Variants in RYR2 observed in about 807,000 individuals in gnomAD.
RYR2 encodes ryanodine receptor 2.
A neutral mutation model predicts 601.1 loss-of-function variants in RYR2; 227 were observed. That is an observed-to-expected ratio of 0.38 (90% confidence interval 0.34 to 0.42). The LOEUF (loss-of-function observed/expected upper bound fraction) is 0.42. Among genes scored for constraint, RYR2 ranks in the 10% least tolerant of loss-of-function variants. The probability of loss-of-function intolerance (pLI) is 1.00; values close to 1 mark genes in which losing one functional copy is unlikely to be tolerated. For synonymous variants in RYR2, 2,223 were observed against 2,175.1 expected, an observed-to-expected ratio of 1.02 and a Z score of -0.61; for missense variants, 4,646 against 6,156.5, an observed-to-expected ratio of 0.75 and a Z score of 8.21.
intron 98 of RYR2, among the ~76,000 whole-genome samples, chr1:237,803,295 C>G (rs1023438982): frequency 6.8e-6 from 1 of 147,006 alleles, no homozygotes. Flanking sequence ...TCCTTTTCCT[C>G]AGTCTTTGCA....
chr1:237,080,686 T>C (rs1202957808), intron 1 of RYR2, among the ~76,000 whole-genome samples: 1 of 63,712 alleles, frequency 1.6e-5, no homozygotes, highest in Non-Finnish European at 4.0e-5. Flanking sequence ...TTGGTGGGAC[T>C]GTAAACTAGT....
intron 3 of RYR2, among the ~76,000 whole-genome samples, chr1:237,348,298 G>A (rs1403538880): frequency 6.6e-6 from 1 of 152,132 alleles, no homozygotes; most frequent in Middle Eastern, 3.2e-3. Context: ...TAGCCTTTGG[G>A]AAACAAGCTC....
chr1:237,694,509 C>A (rs1005820052), intron 63 of RYR2, among the ~76,000 whole-genome samples: 6 of 151,866 alleles, frequency 4.0e-5, no homozygotes, highest in African/African-American at 1.5e-4. Context: ...ATATGCATGG[C>A]AAAAACAACT....
chr1:237,794,746 T>C (rs912541895), intron 95 of RYR2, among the ~76,000 whole-genome samples: 1 of 152,240 alleles, frequency 6.6e-6, no homozygotes, highest in Non-Finnish European at 1.5e-5. Flanking sequence ...ACATGATACA[T>C]GTTTATCCTA....
At chr1:237,391,995 C>T (rs1367825437) in intron 10 of RYR2, among the ~76,000 whole-genome samples, 1 of 151,972 alleles carries the variant, frequency 6.6e-6, no homozygotes, top group Non-Finnish European at 1.5e-5. Context: ...AAAGACAAAT[C>T]GCTCTAAAAT....
chr1:237,624,351 C>G (rs1679417230), intron 39 of RYR2, among the ~76,000 whole-genome samples: 1 of 152,100 alleles, frequency 6.6e-6, no homozygotes, highest in Non-Finnish European at 1.5e-5. Flanking sequence ...AAAACAACAA[C>G]AAACAAACAA....
At chr1:237,059,681 G>A (rs578167566) in intron 1 of RYR2, among the ~76,000 whole-genome samples, 4 of 152,232 alleles carry the variant, frequency 2.6e-5, no homozygotes, top group African/African-American at 9.6e-5. Context: ...GTATTTATTT[G>A]GGGATTGCAT....
At chr1:237,059,994 C>T (rs1662647136) in intron 1 of RYR2, among the ~76,000 whole-genome samples, 1 of 152,150 alleles carries the variant, frequency 6.6e-6, no homozygotes, top group Non-Finnish European at 1.5e-5. Context: ...ATTAATAAGA[C>T]TCCTAAATGG....
rs747565166 is a variant in RYR2 at position 237,730,309 on chromosome 1, G to C, written c.10888G>C (p.Glu3630Gln). Residue 3630 changes from glutamate to glutamine, a missense_variant, in exon 77 of 105, where the codon GAA (glutamate) becomes CAA (glutamine). Transcript: ENST00000366574. ...TCAGGGATATGAAAAGTCTTGGATT[G>C]AAACAGAAGAACATTACTTTGAAGA... ...FLQGYEKSWI[E>Q]TEEHYFEDKL... 2 of 1,607,906 alleles carry C rather than the reference G, an allele frequency of 1.2e-6. No homozygotes were observed. Among genetic ancestry groups the C allele is most frequent in the Admixed American group, 1.7e-5 (1 of 59,900 alleles).
intron 66 of RYR2, 36 bp downstream of exon 66, chr1:237,702,095 C>A: frequency 2.6e-6 from 3 of 1,151,810 alleles, no homozygotes; most frequent in Non-Finnish European, 3.9e-6. Flanking sequence ...GTATTAATTG[C>A]TGCTTCAAGT....
chr1:237,700,396 T>C lies in RYR2; in HGVS notation c.9296T>C (p.Val3099Ala), dbSNP rs1687862870. Residue 3099 changes from valine to alanine, a missense_variant, in exon 65 of 105, where the codon GTG becomes GCG. Physicochemically the swap from Val to Ala is moderately conservative, Grantham distance 64 (BLOSUM62 0). Coordinates refer to ENST00000366574, the MANE Select transcript of RYR2 (RefSeq NM_001035.3). ...ACTCAGATTATCAATTACACCACAG[T>C]GGCCCTGCTGCCAATGCTGTCTTCA... ...GVTQIINYTTVALLPMLSSLF... is the reference protein window; with the variant it reads ...GVTQIINYTTAALLPMLSSLF... 1.9e-6 allele frequency: 3 copies of C among 1,609,712 alleles called. No individual in the cohort carries two copies. The highest frequency in any genetic ancestry group is 1.7e-6 in the Non-Finnish European group (2 of 1,177,848).
intron 2 of RYR2, among the ~76,000 whole-genome samples, chr1:237,313,909 G>C (rs1024920810): frequency 2.1e-5 from 3 of 143,214 alleles, no homozygotes; most frequent in Non-Finnish European, 4.5e-5. Context: ...ATTTCCATGA[G>C]TTTCTGGACC....
chr1:237,354,103 G>T (rs1699090867), intron 3 of RYR2, among the ~76,000 whole-genome samples: 1 of 152,138 alleles, frequency 6.6e-6, no homozygotes, highest in Admixed American at 6.6e-5. Context: ...CATTTGTCTT[G>T]TCTTGTGTGT....
intron 2 of RYR2, among the ~76,000 whole-genome samples, chr1:237,294,501 C>T (rs1041127409): frequency 4.6e-5 from 7 of 151,312 alleles, no homozygotes; most frequent in African/African-American, 1.7e-4. Flanking sequence ...TCATGTACAT[C>T]ATTGTAGTTG....
chr1:237,727,402 T>C (rs1193325083), intron 76 of RYR2, among the ~76,000 whole-genome samples: 1 of 152,148 alleles, frequency 6.6e-6, no homozygotes, highest in East Asian at 1.9e-4. Context: ...TAAATGACTC[T>C]TACTGAGGAA....
At chr1:237,668,779 T>C (rs1261681524) in intron 58 of RYR2, among the ~76,000 whole-genome samples, 4 of 152,206 alleles carry the variant, frequency 2.6e-5, no homozygotes, top group Non-Finnish European at 2.9e-5. Context: ...AAAGCTGTGA[T>C]ATGGAAGGAT....
At chr1:237,151,859 G>T (rs752970404) in intron 1 of RYR2, among the ~76,000 whole-genome samples, 1 of 152,056 alleles carries the variant, frequency 6.6e-6, no homozygotes, top group Non-Finnish European at 1.5e-5. Context: ...ATTTTACTTT[G>T]CTTTAAGTTC....
Position 237,628,074 on chromosome 1 carries a change from G to A in RYR2, c.6434G>A (p.Gly2145Glu), listed in dbSNP as rs1190943086. 1.2e-6 allele frequency: 2 copies of A among 1,613,390 alleles called. No homozygotes were observed. The highest frequency in any genetic ancestry group is 1.7e-6 in the Non-Finnish European group (2 of 1,179,584). ...GKEEEKLMIR[G>E]LGDIMNNKVF... ...GAAGAAGAGAAGCTCATGATTCGTGGATTAGGGTAAATTATTTAACTACTA... is the reference window on the plus strand; with the variant it reads ...GAAGAAGAGAAGCTCATGATTCGTGAATTAGGGTAAATTATTTAACTACTA... Residue 2145 changes from glycine (G) to glutamate (E), a missense_variant, in exon 41 of 105, where the codon GGA becomes GAA. Physicochemically the swap from Gly to Glu is moderately conservative, Grantham distance 98. This residue lies in a region of RYR2 where 137 missense variants were observed against 273.6 expected (regional missense o/e 0.50). Coordinates refer to ENST00000366574, the MANE Select transcript of RYR2 (RefSeq NM_001035.3).
chr1:237,769,680 G>A (rs891661821), intron 84 of RYR2, among the ~76,000 whole-genome samples: 1 of 151,044 alleles, frequency 6.6e-6, no homozygotes. Context: ...GTAAACATAC[G>A]ATCATTGCCT....
Sources: gnomAD v4.1 joint callset for allele counts (sites outside exome capture counted in the v4.1 genomes callset) on GRCh38, gnomAD v4.1.1 for gene constraint, gnomAD v4.1.1 regional missense constraint, MANE v1.5 for transcripts, NCBI Gene and HGNC (gene_info 2026-07-23, HGNC 2026-07-21) for gene names.